Variants in ARHGAP10 observed in about 807,000 individuals in gnomAD.
The protein encoded by ARHGAP10 is rho GTPase-activating protein 10.
Under a neutral mutation model 108.6 loss-of-function variants are expected in ARHGAP10, and 87 were observed. The ratio of observed to expected loss-of-function variants is 0.80; its 90% CI spans 0.67 to 0.96. ARHGAP10 has a LOEUF of 0.96. Ranked by LOEUF, ARHGAP10 falls within the 40% of genes least tolerant of loss-of-function variation. The pLI, the probability that ARHGAP10 is intolerant of heterozygous loss-of-function variation, is 0.00. For synonymous variants in ARHGAP10, 347 were observed against 341.1 expected, an observed-to-expected ratio of 1.02 and a Z score of -0.19; for missense variants, 939 against 954.5, an observed-to-expected ratio of 0.98 and a Z score of 0.21.
intron 13 of ARHGAP10, among the ~76,000 whole-genome samples, chr4:147,919,626 G>A (rs900566558): frequency 2.0e-5 from 3 of 151,850 alleles, no homozygotes; most frequent in Non-Finnish European, 4.4e-5. Flanking sequence ...AGACTAGAGT[G>A]CAGTGGCATG....
In ARHGAP10 at chr4:147,875,299, A is replaced by G. The variant is rs978938292; in HGVS notation, c.832+149A>G. ...CTATCACCTAATGGGTGTATATTTC[A>G]TGTTTAGGAGAAACACATTCCAGCC... On this transcript the variant is annotated intron_variant, in intron 8 of 22. Coordinates refer to ENST00000336498, the MANE Select transcript of ARHGAP10 (RefSeq NM_024605.4). 11 of 934,482 alleles carry G rather than the reference A, an allele frequency of 1.2e-5. No individual in the cohort carries two copies. The Admixed American group carries it at 3.5e-4, about 30-fold the overall frequency. 57.9% of individuals were successfully genotyped at this position (934,482 alleles called of 1,614,324 possible). A position where few individuals can be genotyped will look rare whatever the true frequency, so the allele number is the denominator to read the frequency against.
At chr4:148,019,940 T>C (rs1741502684) in intron 18 of ARHGAP10, among the ~76,000 whole-genome samples, 1 of 152,216 alleles carries the variant, frequency 6.6e-6, no homozygotes, top group South Asian at 2.1e-4. Flanking sequence ...TATCCCTTAA[T>C]GGAAATGCTT....
intron 1 of ARHGAP10, among the ~76,000 whole-genome samples, chr4:147,759,542 G>A (rs1476540626): frequency 6.7e-6 from 1 of 150,154 alleles, no homozygotes; most frequent in Non-Finnish European, 1.5e-5. Flanking sequence ...CCTGTGAGTA[G>A]CCACCACACT....
intron 3 of ARHGAP10, among the ~76,000 whole-genome samples, chr4:147,842,150 G>T (rs1332490022): frequency 1.3e-5 from 2 of 152,078 alleles, no homozygotes; most frequent in Admixed American, 1.3e-4. Flanking sequence ...TGACCAGCTG[G>T]TCTCAAACTC....
chr4:147,820,004 T>G (rs1732417563), intron 1 of ARHGAP10, among the ~76,000 whole-genome samples: 1 of 152,004 alleles, frequency 6.6e-6, no homozygotes, highest in Non-Finnish European at 1.5e-5. Flanking sequence ...TTTGGGTGAA[T>G]GAGTAAGTGC....
intron 3 of ARHGAP10, among the ~76,000 whole-genome samples, chr4:147,830,075 CCACGG>C (rs1348775941): frequency 6.6e-6 from 1 of 152,170 alleles, no homozygotes; most frequent in Non-Finnish European, 1.5e-5. Context: ...AGTGTCTTGT[CCACGG>C]CTGCACCCCT....
chr4:148,070,134 TAGA>T (rs1326782975), intron 22 of ARHGAP10, among the ~76,000 whole-genome samples: 1 of 152,214 alleles, frequency 6.6e-6, no homozygotes, highest in Admixed American at 6.5e-5. Context: ...TAGTCTGGAC[TAGA>T]AGAGAATGTC....
intron 3 of ARHGAP10, among the ~76,000 whole-genome samples, chr4:147,838,262 T>C (rs1733254655): frequency 6.6e-6 from 1 of 152,136 alleles, no homozygotes; most frequent in Non-Finnish European, 1.5e-5. Context: ...AAATTTTATC[T>C]CAAGCCAAAA....
chr4:147,740,047 CTTTTT>C (rs59246980), intron 1 of ARHGAP10, among the ~76,000 whole-genome samples: 1 of 118,904 alleles, frequency 8.4e-6, no homozygotes. Flanking sequence ...TACTGGGTTA[CTTTTT>C]TTTTTTTTTT....
At chr4:147,861,211 G>C (rs1371793781) in intron 5 of ARHGAP10, 1 of 152,446 alleles carries the variant, frequency 6.6e-6, no homozygotes, top group Non-Finnish European at 1.5e-5. Flanking sequence ...CATGCCGACT[G>C]TGGTGGGGCA....
intron 18 of ARHGAP10, among the ~76,000 whole-genome samples, chr4:148,007,560 C>T (rs1014063506): frequency 6.6e-6 from 1 of 152,166 alleles, no homozygotes; most frequent in Non-Finnish European, 1.5e-5. Flanking sequence ...TATTCAAGCC[C>T]TTCATGCGGT....
At chr4:147,739,665 T>G (rs1303486346) in intron 1 of ARHGAP10, among the ~76,000 whole-genome samples, 1 of 152,092 alleles carries the variant, frequency 6.6e-6, no homozygotes, top group Non-Finnish European at 1.5e-5. Flanking sequence ...TCAAAAGTGC[T>G]CTGGACAAAT....
intron 1 of ARHGAP10, among the ~76,000 whole-genome samples, chr4:147,757,299 A>G (rs934333292): frequency 8.6e-5 from 13 of 151,188 alleles, no homozygotes; most frequent in African/African-American, 3.2e-4. Context: ...TGTTCAAGCA[A>G]TTCCCCTGCC....
intron 10 of ARHGAP10, among the ~76,000 whole-genome samples, chr4:147,892,589 GCT>G (rs1464625476): frequency 4.6e-4 from 4 of 8,700 alleles, no homozygotes; most frequent in Non-Finnish European, 2.2e-3. Context: ...TGTGGGGTTG[GCT>G]GGGAGTGTGG....
chr4:147,873,646 T>G (rs1734930904), intron 7 of ARHGAP10, among the ~76,000 whole-genome samples: 1 of 133,128 alleles, frequency 7.5e-6, no homozygotes, highest in South Asian at 2.5e-4. Context: ...GGCCCCATAA[T>G]GAGACCCCTG....
At chr4:148,025,706 CAGA>C (rs1429447967) in intron 19 of ARHGAP10, among the ~76,000 whole-genome samples, 9 of 152,018 alleles carry the variant, frequency 5.9e-5, no homozygotes, top group African/African-American at 7.2e-5. Context: ...ATTTTACTGC[CAGA>C]AGAAGATGTA....
intron 18 of ARHGAP10, among the ~76,000 whole-genome samples, chr4:147,998,622 T>C (rs1431286257): frequency 6.6e-6 from 1 of 152,262 alleles, no homozygotes; most frequent in Non-Finnish European, 1.5e-5. Context: ...CATTGCAGTT[T>C]AGGTCGTTTT....
intron 11 of ARHGAP10, among the ~76,000 whole-genome samples, chr4:147,907,612 C>T (rs1037695199): frequency 2.0e-5 from 3 of 152,142 alleles, no homozygotes; most frequent in Non-Finnish European, 2.9e-5. Context: ...CTTGTGGTAA[C>T]AGAGAGCGCA....
chr4:147,844,355 A>C (rs1448750552), intron 3 of ARHGAP10, among the ~76,000 whole-genome samples: 1 of 152,148 alleles, frequency 6.6e-6, no homozygotes. Context: ...ATACTCTTTT[A>C]GTTATTTTAA....
Sources: gnomAD v4.1 joint callset for allele counts (sites outside exome capture counted in the v4.1 genomes callset) on GRCh38, gnomAD v4.1.1 for gene constraint, MANE v1.5 for transcripts, NCBI Gene and HGNC (gene_info 2026-07-23, HGNC 2026-07-21) for gene names.